The following CCDC144A variants were observed in gnomAD, a reference collection of about 807,000 sequenced individuals.
The protein encoded by CCDC144A is coiled-coil domain containing 144A, also known as coiled-coil domain-containing protein 144A.
In CCDC144A, 41 loss-of-function variants were observed where a neutral mutation model predicts 143.8. The observed-to-expected ratio is 0.29, with a 90% CI of 0.22 to 0.37. The LOEUF is 0.37. Ranked by LOEUF, CCDC144A falls within the 10% of genes least tolerant of loss-of-function variation. The pLI is 1.00. For missense variants in CCDC144A, 637 were observed against 1,488.8 expected (o/e 0.43, Z 9.41); for synonymous variants, 242 against 517.9 (o/e 0.47, Z 7.23).
chr17:16,708,750 C>T (rs781007720), intron 4 of CCDC144A, 46 bp from the exon 5 acceptor site: 17 of 1,610,684 alleles, frequency 1.1e-5, no homozygotes, highest in Non-Finnish European at 1.3e-5. Context: ...AGAAGACACC[C>T]AAGAAATAAA....
At chr17:16,742,605 C>T (rs1914307566) in intron 12 of CCDC144A, among the ~76,000 whole-genome samples, 1 of 152,030 alleles carries the variant, frequency 6.6e-6, no homozygotes, top group Non-Finnish European at 1.5e-5. Flanking sequence ...TCATATGACA[C>T]TTCTATTTTT....
At chr17:16,683,939 G>C in the CCDC144A span, 2 of 1,237,574 alleles carry the variant, frequency 1.6e-6, no homozygotes, top group South Asian at 1.2e-5. Context: ...AGGAATCCGC[G>C]TTTACTGGGG....
the CCDC144A span, among the ~76,000 whole-genome samples, chr17:16,679,973 C>T: frequency 1.3e-5 from 2 of 152,160 alleles, no homozygotes. Context: ...TCTCTGAATA[C>T]AAAATATTTA....
chr17:16,678,194 A>G, the CCDC144A span, among the ~76,000 whole-genome samples: 2 of 152,042 alleles, frequency 1.3e-5, no homozygotes, highest in Non-Finnish European at 2.9e-5. Flanking sequence ...CCCTGATCTG[A>G]AAACTGACCA....
rs565971904 is a variant in CCDC144A at position 16,759,579 on chromosome 17, A to T, written c.3373-1846A>T. 3.1e-3 allele frequency among the ~76,000 whole-genome samples: 465 copies of T among 150,312 alleles called. 7 individuals are homozygous for T. Among genetic ancestry groups the T allele is most frequent in the African/African-American group, 0.011 (442 of 41,066 alleles). ...GTGTAGTAACAGTGCCCTTTCCTTC[A>T]GGTTCCCGTATCGTTTTCTTCACTA... On this transcript the variant is annotated intron_variant, in intron 12 of 16. Transcript: ENST00000399273.
chr17:16,676,727 T>C, the CCDC144A span, among the ~76,000 whole-genome samples: 1 of 152,158 alleles, frequency 6.6e-6, no homozygotes, highest in Admixed American at 6.5e-5. Flanking sequence ...ATCTTAGTAC[T>C]GCAGAAACAA....
In CCDC144A at chr17:16,773,493, T is replaced by TC. The variant is rs1281576178; in HGVS notation, c.4142-3dup. 2 of 1,540,106 alleles carry TC rather than the reference T, an allele frequency of 1.3e-6. No individual in the cohort carries two copies. The highest frequency in any genetic ancestry group is 1.8e-6 in the Non-Finnish European group (2 of 1,141,644). The stretch of plus-strand genomic sequence containing the variant: ...AATAATATAATTCTTGCTTTTTTTT[T>TC]CAGCTGCTACTAAATATGAACCTGG... On this transcript the variant is annotated splice_polypyrimidine_tract_variant and splice_region_variant and intron_variant, in intron 16 of 16. Transcript: ENST00000399273.
chr17:16,692,389 GT>G (rs1326892219), intron 1 of CCDC144A, among the ~76,000 whole-genome samples: 1 of 145,126 alleles, frequency 6.9e-6, no homozygotes, highest in Non-Finnish European at 1.5e-5. Flanking sequence ...TGAACTAGCT[GT>G]GATGCCCCAA....
chr17:16,767,051 T>C (rs1423747017), intron 15 of CCDC144A: 1 of 152,506 alleles, frequency 6.6e-6, no homozygotes, highest in African/African-American at 2.4e-5. Context: ...TCCCAGCACT[T>C]TGGGAGGCCG....
intron 8 of CCDC144A, among the ~76,000 whole-genome samples, chr17:16,723,026 T>C (rs1176960095): frequency 6.6e-6 from 1 of 150,462 alleles, no homozygotes; most frequent in Non-Finnish European, 1.5e-5. Context: ...CAGAATGAGT[T>C]GTATTTCTCC....
At chr17:16,761,325 C>G (rs1915353966) in intron 12 of CCDC144A, 100 bp from the exon 13 acceptor site, 1 of 1,452,784 alleles carries the variant, frequency 6.9e-7, no homozygotes, top group African/African-American at 1.5e-5. Context: ...CAGAGCGAGA[C>G]TCCATCTCAA....
At chr17:16,725,002 ATTTTTTTTTTTTTT>A (rs1167527388) in intron 8 of CCDC144A, among the ~76,000 whole-genome samples, 4 of 37,278 alleles carry the variant, frequency 1.1e-4, no homozygotes, top group South Asian at 1.1e-3. Context: ...ATAGCTGGTA[ATTTTTTTTTTTTTT>A]TTTTTTTTTT....
intron 15 of CCDC144A, chr17:16,764,807 C>A (rs893125078): frequency 7.9e-5 from 12 of 152,358 alleles, no homozygotes. Context: ...TATTGCTATG[C>A]AATAGCACAG....
intron 16 of CCDC144A, among the ~76,000 whole-genome samples, 198 bp downstream of exon 16, chr17:16,772,217 CATAGCTTGAAAAAA>C (rs1807092488): frequency 6.6e-6 from 1 of 151,830 alleles, no homozygotes; most frequent in South Asian, 2.1e-4. Context: ...CATCACGTTC[CATAGCTTGAAAAAA>C]ATAGCTCAAG....
the CCDC144A span, among the ~76,000 whole-genome samples, chr17:16,675,627 A>G: frequency 6.6e-6 from 1 of 152,104 alleles, no homozygotes; most frequent in African/African-American, 2.4e-5. Context: ...ACTATTAATA[A>G]TTGATTCTCT....
chr17:16,707,504 C>T lies in CCDC144A; in HGVS notation c.700C>T (p.Gln234Ter), dbSNP rs1187625211. Reference sequence around the variant, plus strand: ...CTCGGAGCTGACATCAGAGGAAGAGCAAGAAAGACTTAAAGGATGCGAAAA... The same window carrying T: ...CTCGGAGCTGACATCAGAGGAAGAGTAAGAAAGACTTAAAGGATGCGAAAA... ...QDSELTSEEE[Q>*]ERLKGCENKQ... is the part of the protein sequence containing the mutation. Residue 234 changes from glutamine (Q) to a stop codon, truncating the protein, a stop_gained, in exon 4 of 17, where the codon CAA becomes TAA. Coordinates refer to ENST00000399273, the MANE Select transcript of CCDC144A (RefSeq NM_001382000.1). LOFTEE classifies it high-confidence loss of function. 1 of 1,606,474 alleles carries T rather than the reference C, an allele frequency of 6.2e-7. No homozygotes were observed. Among genetic ancestry groups the T allele is most frequent in the Non-Finnish European group, 8.5e-7 (1 of 1,177,642 alleles).
chr17:16,687,649 G>A (rs1356688382), upstream of CCDC144A, among the ~76,000 whole-genome samples: 1 of 152,118 alleles, frequency 6.6e-6, no homozygotes, highest in Non-Finnish European at 1.5e-5. Flanking sequence ...GCGGCTTGTG[G>A]AGATGGAGGA....
intron 2 of CCDC144A, among the ~76,000 whole-genome samples, chr17:16,703,632 G>A (rs1157284534): frequency 2.0e-5 from 3 of 151,972 alleles, no homozygotes; most frequent in East Asian, 1.9e-4. Flanking sequence ...GTGAAACCCC[G>A]TCTCTACTAA....
At chr17:16,732,460 A>G (rs1006781429) in intron 10 of CCDC144A, 78 bp from the exon 11 acceptor site, 5 of 823,318 alleles carry the variant, frequency 6.1e-6, no homozygotes, top group Non-Finnish European at 9.6e-6. Flanking sequence ...TAACCGTTTT[A>G]TAAGAGAGGC....
Sources: gnomAD v4.1 joint callset for allele counts (sites outside exome capture counted in the v4.1 genomes callset) on GRCh38, gnomAD v4.1.1 for gene constraint, MANE v1.5 for transcripts, NCBI Gene and HGNC (gene_info 2026-07-23, HGNC 2026-07-21) for gene names.